CALN1: variants seen among roughly 807,000 people sequenced by gnomAD.
The protein encoded by CALN1 is calneuron 1.
A neutral mutation model predicts 30.6 loss-of-function variants in CALN1; 17 were observed. The observed-to-expected ratio is 0.56, with a 90% CI of 0.38 to 0.83. The LOEUF (loss-of-function observed/expected upper bound fraction) is 0.83. Ranked by LOEUF, CALN1 falls within the 40% of genes least tolerant of loss-of-function variation. CALN1 has a pLI of 0.00. For synonymous variants in CALN1, 156 were observed against 131.4 expected, an observed-to-expected ratio of 1.19 and a Z score of -1.28; for missense variants, 291 against 354.9, an observed-to-expected ratio of 0.82 and a Z score of 1.45.
chr7:71,805,679 C>G (rs112046473), intron 6 of CALN1, among the ~76,000 whole-genome samples: 22 of 152,252 alleles, frequency 1.4e-4, no homozygotes, highest in African/African-American at 4.6e-4. Flanking sequence ...CAACTTGCTT[C>G]CTCATAGGCG....
In CALN1 at chr7:72,259,385, C is replaced by G. The variant is rs141265693; in HGVS notation, c.244+19301G>C. Among the ~76,000 whole-genome samples the G allele has an allele frequency of 3.5e-4, 53 of 152,220 alleles. 2 individuals are homozygous for G. In the East Asian group the frequency reaches 9.9e-3, roughly 28 times the overall value. On this transcript the variant is annotated intron_variant, in intron 3 of 6. Coordinates refer to ENST00000395275, the MANE Select transcript of CALN1 (RefSeq NM_031468.4). ...ATGACCTTCAGTTCTCATCACCATT[C>G]CACCCTATCCAGACTCCCTGTCCCT...
intron 2 of CALN1, among the ~76,000 whole-genome samples, chr7:72,388,957 T>A (rs762356572): frequency 1.9e-4 from 29 of 152,182 alleles, no homozygotes; most frequent in Non-Finnish European, 4.3e-4. Flanking sequence ...TCGCTGGGTC[T>A]CTATTTTGCC....
chr7:71,948,596 G>T (rs1478347568), intron 5 of CALN1, among the ~76,000 whole-genome samples: 4 of 151,466 alleles, frequency 2.6e-5, no homozygotes, highest in Admixed American at 6.6e-5. Context: ...CAGGCATGGT[G>T]GTGCATTGCC....
At chr7:72,370,568 G>A (rs2867607) in intron 2 of CALN1, among the ~76,000 whole-genome samples, 55,614 of 151,346 alleles carry the variant, frequency 0.37, 11,016 homozygotes, top group Admixed American at 0.45. Flanking sequence ...GCAGGAGAAC[G>A]GTGTGAACCC....
chr7:71,876,398 T>G (rs1792246206), intron 5 of CALN1, among the ~76,000 whole-genome samples: 1 of 151,308 alleles, frequency 6.6e-6, no homozygotes, highest in Non-Finnish European at 1.5e-5. Flanking sequence ...TTTTCCATCG[T>G]GTTACAAAAC....
chr7:72,205,565 T>TATATATATATATATATATATAC (rs1562733703), intron 3 of CALN1, among the ~76,000 whole-genome samples: 1 of 116,770 alleles, frequency 8.6e-6, no homozygotes, highest in East Asian at 3.8e-4. Flanking sequence ...TATATATATA[T>TATATATATATATATATATATAC]ATGTATATAT....
chr7:71,787,716 G>A lies in CALN1; in HGVS notation c.*59C>T. The A allele has an allele frequency of 6.3e-7, 1 of 1,598,760 alleles. No homozygotes were observed. The highest frequency in any genetic ancestry group is 8.5e-7 in the Non-Finnish European group (1 of 1,172,914). The stretch of plus-strand genomic sequence containing the variant: ...TGTCTGCTGTGTGGAGGAAGAGTCT[G>A]CCCGCACGGCATGCACATGCGCGGT... On this transcript the variant is annotated 3_prime_UTR_variant, in exon 7 of 7. Coordinates refer to ENST00000395275, the MANE Select transcript of CALN1 (RefSeq NM_031468.4).
chr7:71,971,993 G>GAAAGAAAGAA (rs373873170), intron 5 of CALN1, among the ~76,000 whole-genome samples: 1 of 85,632 alleles, frequency 1.2e-5, no homozygotes, highest in African/African-American at 4.8e-5. Context: ...AAGAAAGAAA[G>GAAAGAAAGAA]AGAAAGAAAG....
chr7:72,022,495 C>T (rs1234832568), intron 5 of CALN1, among the ~76,000 whole-genome samples: 3 of 152,202 alleles, frequency 2.0e-5, no homozygotes, highest in Admixed American at 6.5e-5. Flanking sequence ...TGGGCTCAAG[C>T]GATCTTCCTC....
At chr7:72,070,509 T>A (rs1369796396) in intron 4 of CALN1, among the ~76,000 whole-genome samples, 2 of 152,194 alleles carry the variant, frequency 1.3e-5, no homozygotes, top group African/African-American at 2.4e-5. Context: ...CTGCTCTTCA[T>A]AATTATTGGT....
intron 2 of CALN1, among the ~76,000 whole-genome samples, chr7:72,370,094 T>G (rs898524141): frequency 6.6e-6 from 1 of 152,236 alleles, no homozygotes; most frequent in Non-Finnish European, 1.5e-5. Flanking sequence ...CAGTCATGCA[T>G]GAGAGTTCCA....
In CALN1 at chr7:71,781,469, G is replaced by A. The variant is rs1792710283; in HGVS notation, c.*6306C>T. ...GCCTTTCGTGTGGATCAGACTGATG[G>A]GCAGCCCCATGGCACTCAATGGCCT... On this transcript the variant is annotated 3_prime_UTR_variant, in exon 7 of 7. Transcript: ENST00000395275. 1 of 152,200 alleles carries A rather than the reference G, an allele frequency of 6.6e-6. No homozygotes were observed. The highest frequency in any genetic ancestry group is 1.5e-5 in the Non-Finnish European group (1 of 68,058). 9.4% of individuals were successfully genotyped at this position (152,200 alleles called of 1,614,324 possible).
chr7:71,934,754 TA>T (rs1242838195), intron 5 of CALN1, among the ~76,000 whole-genome samples: 1 of 151,976 alleles, frequency 6.6e-6, no homozygotes, highest in Non-Finnish European at 1.5e-5. Flanking sequence ...CAAGGCTGGG[TA>T]ATTTATAAAG....
chr7:72,269,726 G>A (rs906985555), intron 3 of CALN1, among the ~76,000 whole-genome samples: 6 of 152,230 alleles, frequency 3.9e-5, no homozygotes, highest in Admixed American at 6.5e-5. Flanking sequence ...ACTCTTCAGA[G>A]AAAGATAACA....
chr7:72,130,774 T>G (rs914111282), intron 3 of CALN1, among the ~76,000 whole-genome samples: 2 of 152,186 alleles, frequency 1.3e-5, no homozygotes, highest in Admixed American at 1.3e-4. Flanking sequence ...TTTGTGATTG[T>G]AAAAGTACAC....
At chr7:72,100,682 T>C (rs902549767) in intron 4 of CALN1, among the ~76,000 whole-genome samples, 1 of 151,344 alleles carries the variant, frequency 6.6e-6, no homozygotes, top group Non-Finnish European at 1.5e-5. Context: ...TAGCCGGGCG[T>C]GGTGGCGGGT....
In CALN1 at chr7:71,948,807, C is replaced by T. The variant is rs1424274772; in HGVS notation, c.501+74850G>A. 2.6e-5 allele frequency among the ~76,000 whole-genome samples: 4 copies of T among 151,064 alleles called. No homozygotes were observed. The East Asian group carries it at 7.8e-4, about 30-fold the overall frequency. On this transcript the variant is annotated intron_variant, in intron 5 of 6. Coordinates refer to ENST00000395275, the MANE Select transcript of CALN1 (RefSeq NM_031468.4). Reference sequence around the variant, plus strand: ...ATGCAATCCCAATGTTTTTGGAGGCCAAGATGGGATGACTGCTTGAACCCA... The same window carrying T: ...ATGCAATCCCAATGTTTTTGGAGGCTAAGATGGGATGACTGCTTGAACCCA...
chr7:72,458,749 T>A, the CALN1 span, among the ~76,000 whole-genome samples: 3 of 109,624 alleles, frequency 2.7e-5, 1 homozygote, highest in Admixed American at 4.1e-4. Flanking sequence ...TATAATATAT[T>A]TTATAATATA....
intron 1 of CALN1, among the ~76,000 whole-genome samples, chr7:72,427,776 G>A (rs1807844854): frequency 6.6e-6 from 1 of 151,906 alleles, no homozygotes; most frequent in African/African-American, 2.4e-5. Flanking sequence ...CCACGGTGCT[G>A]GGCTGCAGAG....
Sources: allele counts gnomAD v4.1 joint callset (sites outside exome capture counted in the v4.1 genomes callset), GRCh38; gene constraint gnomAD v4.1.1; transcripts MANE v1.5; gene names NCBI Gene and HGNC (gene_info 2026-07-23, HGNC 2026-07-21).